The following SLC5A9 variants were observed in gnomAD, a reference collection of about 807,000 sequenced individuals.
The protein encoded by SLC5A9 is sodium/glucose cotransporter 4.
In SLC5A9, 59 loss-of-function variants were observed where a neutral mutation model predicts 70.9. The ratio of observed to expected loss-of-function variants is 0.83; its 90% CI spans 0.68 to 1.03. The LOEUF is 1.03. Among genes scored for constraint, SLC5A9 ranks in the 50% least tolerant of loss-of-function variants. The probability of loss-of-function intolerance (pLI) is 0.00; values close to 1 mark genes in which losing one functional copy is unlikely to be tolerated. For missense variants in SLC5A9, 832 were observed against 881.1 expected (o/e 0.94, Z 0.71); for synonymous variants, 340 against 346.5 (o/e 0.98, Z 0.21).
intron 13 of SLC5A9, among the ~76,000 whole-genome samples, chr1:48,244,387 A>T (rs968671875): frequency 5.9e-5 from 9 of 152,146 alleles, no homozygotes; most frequent in African/African-American, 2.2e-4. Context: ...TCCAGACCTG[A>T]GAAGGCTCCC....
chr1:48,247,308 C>T, intron 13 of SLC5A9, 27 bp from the exon 14 acceptor site: 1 of 1,609,654 alleles, frequency 6.2e-7, no homozygotes, highest in South Asian at 1.1e-5. Flanking sequence ...TCCTGCTCTC[C>T]TTTGTCTTCT....
chr1:48,224,828 A>T lies in SLC5A9; in HGVS notation c.234+33A>T, dbSNP rs764044660. ...GACCCTTCTCAACCACCCCTAGTGC[A>T]GAGGCTCCCAACTTTCTTCCTCCCC... On this transcript the variant is annotated intron_variant, in intron 2 of 13. Transcript: ENST00000438567. 4.4e-6 allele frequency: 7 copies of T among 1,600,842 alleles called. No homozygotes were observed. The South Asian group carries it at 6.6e-5, about 15-fold the overall frequency.
chr1:48,228,563 T>C, intron 2 of SLC5A9: 1 of 393,884 alleles, frequency 2.5e-6, no homozygotes. Flanking sequence ...ACTCCCCACT[T>C]CCAGGCTTCC....
At position 48,242,522 on chromosome 1, in the gene SLC5A9, G is replaced by A; in HGVS notation, c.1743G>A (p.Glu581=). ...PLSELEKEAH[E]STPEISERPA... is the part of the protein sequence containing the mutation. The stretch of plus-strand genomic sequence containing the variant: ...CTGAGCTGGAGAAGGAGGCCCACGA[G>A]AGCACACCGGAGATATCCGAGAGGC... The change falls in exon 13 of 14, where the codon GAG becomes GAA. Residue 581 remains glutamate (E), a synonymous_variant. Coordinates refer to ENST00000438567, the MANE Select transcript of SLC5A9 (RefSeq NM_001011547.3). The A allele has an allele frequency of 6.2e-7, 1 of 1,613,864 alleles. No individual in the cohort carries two copies. The highest frequency in any genetic ancestry group is 8.5e-7 in the Non-Finnish European group (1 of 1,179,770).
chr1:48,235,921 C>T (rs779719529), intron 10 of SLC5A9, 42 bp downstream of exon 10: 1 of 1,612,500 alleles, frequency 6.2e-7, no homozygotes, highest in Non-Finnish European at 8.5e-7. Context: ...GTGCCCTCTC[C>T]CCTCTGCCCT....
chr1:48,230,535 T>A, intron 4 of SLC5A9, 65 bp from the exon 5 acceptor site: 1 of 1,057,610 alleles, frequency 9.5e-7, no homozygotes, highest in Admixed American at 1.7e-5. Flanking sequence ...AGGCAGGTGA[T>A]GTGTCCATAC....
At chr1:48,226,889 G>C (rs1439970416) in intron 2 of SLC5A9, among the ~76,000 whole-genome samples, 2 of 152,174 alleles carry the variant, frequency 1.3e-5, no homozygotes, top group Non-Finnish European at 2.9e-5. Flanking sequence ...GCTCTGACTG[G>C]GTGGTTCAGC....
In SLC5A9 at chr1:48,231,584, C is replaced by T. The variant is rs147266128; in HGVS notation, c.650C>T (p.Thr217Met). ...MAVIYTDALQ[T>M]VIMVGGALVL... ...GTGATCTACACAGATGCTCTGCAGA[C>T]GGTGATCATGGTAGGGGGAGCCCTG... Residue 217 changes from threonine (T) to methionine (M), a missense_variant, in exon 6 of 14, where the codon ACG (threonine) becomes ATG (methionine). Physicochemically the swap from Thr to Met is moderately conservative, Grantham distance 81 (BLOSUM62 -1). Transcript: ENST00000438567. 156 of 1,614,170 alleles carry T rather than the reference C, an allele frequency of 9.7e-5. 1 individual carries two copies. The highest frequency in any genetic ancestry group is 3.1e-4 in the African/African-American group (23 of 75,044).
intron 13 of SLC5A9, among the ~76,000 whole-genome samples, chr1:48,246,389 G>C (rs576677123): frequency 1.9e-4 from 29 of 152,070 alleles, no homozygotes; most frequent in Non-Finnish European, 4.1e-4. Flanking sequence ...CTGACACCCT[G>C]TGTATTGAAC....
Position 48,233,770 on chromosome 1 carries a change from T to C in SLC5A9, c.1141+8T>C. On this transcript the variant is annotated splice_region_variant and intron_variant, in intron 9 of 13. Coordinates refer to ENST00000438567, the MANE Select transcript of SLC5A9 (RefSeq NM_001011547.3). ...TGGCCCTCATGCCTGTTGGTGAGTC[T>C]CTTCTCCCCACCCCACCCTGCACTC... The C allele has an allele frequency of 1.9e-6, 3 of 1,591,598 alleles. No individual in the cohort carries two copies. The highest frequency in any genetic ancestry group is 2.6e-6 in the Non-Finnish European group (3 of 1,160,428).
chr1:48,243,348 G>A (rs996538245), intron 13 of SLC5A9, among the ~76,000 whole-genome samples: 3 of 152,094 alleles, frequency 2.0e-5, no homozygotes, highest in African/African-American at 7.2e-5. Flanking sequence ...CTCCTCGAGC[G>A]GCTGATGGGC....
At chr1:48,227,081 C>T (rs920914894) in intron 2 of SLC5A9, among the ~76,000 whole-genome samples, 4 of 151,334 alleles carry the variant, frequency 2.6e-5, no homozygotes, top group Non-Finnish European at 5.9e-5. Context: ...GTGTGCATAC[C>T]TGTGCGTGTG....
intron 2 of SLC5A9, among the ~76,000 whole-genome samples, chr1:48,225,784 ACT>A (rs1001674317): frequency 1.3e-5 from 2 of 151,496 alleles, no homozygotes; most frequent in African/African-American, 2.4e-5. Flanking sequence ...ACGCACTCAC[ACT>A]CTCACTCTCA....
At position 48,232,499 on chromosome 1, in the gene SLC5A9, C is replaced by T; in HGVS notation, c.1030C>T (p.Pro344Ser). ...TGGCATGATCAGCCGGGCCCTGTTC[C>T]CAGGTAAGAACGAGCCTTGCTCTCT... The part of the protein sequence containing the change: ...MPGMISRALF[P>S]DEVGCVDPDV... Residue 344 changes from proline to serine, a missense_variant, in exon 8 of 14, where the codon CCA becomes TCA. By Grantham distance (74) the Pro-to-Ser change is moderately conservative (BLOSUM62 -1). Coordinates refer to ENST00000438567, the MANE Select transcript of SLC5A9 (RefSeq NM_001011547.3). The T allele has an allele frequency of 6.2e-7, 1 of 1,614,142 alleles. No homozygotes were observed. The highest frequency in any genetic ancestry group is 8.5e-7 in the Non-Finnish European group (1 of 1,180,018).
In SLC5A9 at chr1:48,230,709, G is replaced by A. The variant is rs1013421009; in HGVS notation, c.610+4G>A. ...ACTGCCGTCTACACCATTGCAGGTAGGCAGAGGGAAGAGGGCAAGAGGAAA... is the reference window on the plus strand; with the variant it reads ...ACTGCCGTCTACACCATTGCAGGTAAGCAGAGGGAAGAGGGCAAGAGGAAA... On this transcript the variant is annotated splice_donor_region_variant and intron_variant, in intron 5 of 13. Coordinates refer to ENST00000438567, the MANE Select transcript of SLC5A9 (RefSeq NM_001011547.3). The A allele has an allele frequency of 7.5e-6, 12 of 1,610,168 alleles. No homozygotes were observed. The highest frequency in any genetic ancestry group is 1.0e-5 in the Non-Finnish European group (12 of 1,176,748).
chr1:48,241,425 A>G lies in SLC5A9; in HGVS notation c.1678-1032A>G, dbSNP rs534999308. On this transcript the variant is annotated intron_variant, in intron 12 of 13. Coordinates refer to ENST00000438567, the MANE Select transcript of SLC5A9 (RefSeq NM_001011547.3). The stretch of plus-strand genomic sequence containing the variant: ...AGAGAGATGCATGCTTGGGCCCAGC[A>G]CAGTGGAAAGTAAGAAGTTGGGAGC... Among the ~76,000 whole-genome samples, 7 of 152,322 alleles carry G rather than the reference A, an allele frequency of 4.6e-5. No individual in the cohort carries two copies. In the South Asian group the frequency reaches 1.5e-3, roughly 32 times the overall value.
chr1:48,233,933 A>G (rs572887703), intron 9 of SLC5A9, among the ~76,000 whole-genome samples, 171 bp downstream of exon 9: 1 of 152,294 alleles, frequency 6.6e-6, no homozygotes, highest in South Asian at 2.1e-4. Context: ...TGTACGTAAG[A>G]CACCAGCTTT....
At position 48,230,602 on chromosome 1, in the gene SLC5A9, T is replaced by C; in HGVS notation, c.507T>C (p.Thr169=). ...TCTTGGGTCCTGGCTCTCTGCAGAC[T>C]GACATCTTCTCTGGAGCCCTCTTCA... ...LILYIFTKIS[T]DIFSGALFIQ... The change falls in exon 5 of 14, where the codon ACT becomes ACC. Residue 169 remains threonine, a splice_region_variant and synonymous_variant. Transcript: ENST00000438567. The C allele has an allele frequency of 1.9e-6, 3 of 1,613,668 alleles. No homozygotes were observed. The highest frequency in any genetic ancestry group is 2.5e-6 in the Non-Finnish European group (3 of 1,179,656).
rs556927781 is a variant in SLC5A9 at position 48,248,020 on chromosome 1, T to C, written c.*477T>C. ...TCTATCTTTCTATTCTCACCAATAA[T>C]CTCTTTGTTGCATGAATTTACCCAG... On this transcript the variant is annotated 3_prime_UTR_variant, in exon 14 of 14. Coordinates refer to ENST00000438567, the MANE Select transcript of SLC5A9 (RefSeq NM_001011547.3). The C allele has an allele frequency of 6.1e-6, 1 of 163,674 alleles. No individual in the cohort carries two copies. Among genetic ancestry groups the C allele is most frequent in the Non-Finnish European group, 1.4e-5 (1 of 73,790 alleles). 10.1% of individuals were successfully genotyped at this position (163,674 alleles called of 1,614,324 possible).
Sources: gnomAD v4.1 joint callset for allele counts (sites outside exome capture counted in the v4.1 genomes callset) on GRCh38, gnomAD v4.1.1 for gene constraint, MANE v1.5 for transcripts, NCBI Gene and HGNC (gene_info 2026-07-23, HGNC 2026-07-21) for gene names.